Variants in TRDMT1 observed in about 807,000 individuals in gnomAD.
The protein encoded by TRDMT1 is tRNA aspartic acid methyltransferase 1, also known as tRNA (cytosine(38)-C(5))-methyltransferase.
Under a neutral mutation model 51.2 loss-of-function variants are expected in TRDMT1, and 49 were observed. That is an observed-to-expected ratio of 0.96 (90% CI 0.76 to 1.21). The LOEUF is 1.21. TRDMT1 is among the 50% of genes most tolerant of loss of function. The pLI, the probability that TRDMT1 is intolerant of heterozygous loss-of-function variation, is 0.00. For synonymous variants in TRDMT1, 187 were observed against 164.6 expected (o/e 1.14, Z -1.04); for missense variants, 534 against 462.3 (o/e 1.16, Z -1.42).
In TRDMT1 at chr10:17,201,648, C is replaced by A; in HGVS notation, c.-14G>T. Reference sequence around the variant, plus strand: ...CAGGGGCTCCATCCCCGCGCCTCAGCCGCCGCAGCCCCGGAGCTAGGCCTG... The same window carrying A: ...CAGGGGCTCCATCCCCGCGCCTCAGACGCCGCAGCCCCGGAGCTAGGCCTG... On this transcript the variant is annotated 5_prime_UTR_variant, in exon 1 of 11. Transcript: ENST00000377799. 1 of 1,539,496 alleles carries A rather than the reference C, an allele frequency of 6.5e-7. No individual in the cohort carries two copies. The highest frequency in any genetic ancestry group is 8.7e-7 in the Non-Finnish European group (1 of 1,143,502).
At chr10:17,150,628 T>G in intron 10 of TRDMT1, 3 of 985,146 alleles carry the variant, frequency 3.0e-6, no homozygotes, top group Non-Finnish European at 3.6e-6. Flanking sequence ...ATAAGTTAGA[T>G]AAGAAAATGA....
In TRDMT1 at chr10:17,149,085, G is replaced by C. The variant is rs765766850; in HGVS notation, c.1131C>G (p.Leu377=). ...TTAGTTTAGCTACTACATGCACGTT[G>C]AGACTATTTCCAAGTAGGCGATAAC... ...KQRYRLLGNS[L]NVHVVAKLIK... is the part of the protein sequence containing the mutation. The change falls in exon 11 of 11, where the codon CTC becomes CTG. Residue 377 remains leucine, a synonymous_variant. Coordinates refer to ENST00000377799, the MANE Select transcript of TRDMT1 (RefSeq NM_004412.7). The C allele has an allele frequency of 2.7e-5, 44 of 1,611,446 alleles. No individual in the cohort carries two copies. Among genetic ancestry groups the C allele is most frequent in the Non-Finnish European group, 3.6e-5 (42 of 1,179,178 alleles).
intron 10 of TRDMT1, chr10:17,150,869 G>A (rs1439819548): frequency 2.0e-6 from 2 of 984,988 alleles, no homozygotes; most frequent in African/African-American, 3.5e-5. Context: ...AGTAGCCAGA[G>A]GTACAAATGT....
intron 1 of TRDMT1, among the ~76,000 whole-genome samples, chr10:17,190,301 A>C (rs752837887): frequency 3.9e-5 from 6 of 152,134 alleles, no homozygotes; most frequent in Non-Finnish European, 8.8e-5. Context: ...CAAACTGTAC[A>C]TGTAACCTTG....
chr10:17,194,093 T>G lies in TRDMT1; in HGVS notation c.64+7478A>C, dbSNP rs548705511. On this transcript the variant is annotated intron_variant, in intron 1 of 10. Transcript: ENST00000377799. ...ATTTAATAAACGGTGCTAGGATAGC[T>G]GGCTAGCCATATGCAGGAGAATGAA... Among the ~76,000 whole-genome samples, 147 of 152,348 alleles carry G rather than the reference T, an allele frequency of 9.6e-4. 2 individuals are homozygous for G. Among genetic ancestry groups the G allele is most frequent in the Middle Eastern group, 3.4e-3 (1 of 294 alleles).
chr10:17,144,172 C>G lies in TRDMT1; in HGVS notation c.*4868G>C. The G allele has an allele frequency of 2.0e-6, 2 of 985,632 alleles. No homozygotes were observed. Among genetic ancestry groups the G allele is most frequent in the Non-Finnish European group, 2.4e-6 (2 of 829,962 alleles). 61.1% of individuals were successfully genotyped at this position (985,632 alleles called of 1,614,324 possible). A position where few individuals can be genotyped will look rare whatever the true frequency, so the allele number is the denominator to read the frequency against. Reference sequence around the variant, plus strand: ...CCTCTGCTCTTCTTTTTCTCTTTCTCTCTTTCACTCTCATCCTCTGACCCT... The same window carrying G: ...CCTCTGCTCTTCTTTTTCTCTTTCTGTCTTTCACTCTCATCCTCTGACCCT... On this transcript the variant is annotated 3_prime_UTR_variant, in exon 11 of 11. Transcript: ENST00000377799.
intron 1 of TRDMT1, among the ~76,000 whole-genome samples, chr10:17,190,341 C>T (rs1277658002): frequency 6.6e-6 from 1 of 151,264 alleles, no homozygotes; most frequent in East Asian, 1.9e-4. Context: ...TAATAATCAC[C>T]GTGTAATTAT....
intron 6 of TRDMT1, 45 bp from the exon 7 acceptor site, chr10:17,159,274 G>C (rs374035720): frequency 6.4e-6 from 9 of 1,416,334 alleles, no homozygotes; most frequent in Admixed American, 4.2e-5. Context: ...AAATTAAAGA[G>C]AGCGGTACCA....
intron 1 of TRDMT1, among the ~76,000 whole-genome samples, chr10:17,185,680 G>A (rs569686444): frequency 3.0e-4 from 46 of 152,246 alleles, no homozygotes; most frequent in African/African-American, 1.1e-3. Context: ...ATGATAGACT[G>A]GATTAAGAAA....
At position 17,137,531 on chromosome 10, in the gene TRDMT1, T is replaced by C. The variant is rs1837449507; in HGVS notation, c.*11509A>G. 1.3e-5 allele frequency: 2 copies of C among 152,316 alleles called. No homozygotes were observed. Among genetic ancestry groups the C allele is most frequent in the South Asian group, 2.1e-4 (1 of 4,830 alleles). The allele number at this position is 152,316 out of a possible 1,614,324, so 9.4% of individuals were successfully genotyped here. ...TGTCCAAGGCCCAGTATGGGCACAC[T>C]ATAGAAAGTGGTTCCACTGGCCGGG... On this transcript the variant is annotated 3_prime_UTR_variant, in exon 11 of 11. Transcript: ENST00000377799.
At chr10:17,200,336 A>C (rs1281470378) in intron 1 of TRDMT1, among the ~76,000 whole-genome samples, 1 of 152,238 alleles carries the variant, frequency 6.6e-6, no homozygotes, top group African/African-American at 2.4e-5. Context: ...TTAGAGAATT[A>C]ACAAAGAGTA....
At chr10:17,151,121 T>A in intron 10 of TRDMT1, 1 of 763,234 alleles carries the variant, frequency 1.3e-6, no homozygotes, top group Non-Finnish European at 1.6e-6. Context: ...CATATTTCTT[T>A]AAATCTAAAC....
At chr10:17,186,120 A>G (rs183551158) in intron 1 of TRDMT1, among the ~76,000 whole-genome samples, 25 of 152,182 alleles carry the variant, frequency 1.6e-4, no homozygotes, top group African/African-American at 4.8e-4. Flanking sequence ...ATCAATTAAC[A>G]GTCAATATTT....
rs896392091 is a variant in TRDMT1, at chr10:17,148,059, C to T, written c.*981G>A. 1.0e-6 allele frequency: 1 copy of T among 985,258 alleles called. No individual in the cohort carries two copies. Among genetic ancestry groups the T allele is most frequent in the Non-Finnish European group, 1.2e-6 (1 of 829,828 alleles). The allele number at this position is 985,258 out of a possible 1,614,324, so 61.0% of individuals were successfully genotyped here. ...TCATCTCTCTTCTCTTTGTCACTTG[C>T]TTTTATCACAAACCATAGAATTTAT... is the stretch of plus-strand genomic sequence containing the variant. On this transcript the variant is annotated 3_prime_UTR_variant, in exon 11 of 11. Coordinates refer to ENST00000377799, the MANE Select transcript of TRDMT1 (RefSeq NM_004412.7).
intron 10 of TRDMT1, chr10:17,152,120 T>A (rs1488663792): frequency 1.6e-6 from 2 of 1,279,360 alleles, no homozygotes; most frequent in South Asian, 1.3e-5. Flanking sequence ...GAAAAAAAAA[T>A]AGTAGCTAGG....
At position 17,143,760 on chromosome 10, in the gene TRDMT1, A is replaced by T. The variant is rs1837872658; in HGVS notation, c.*5280T>A. The stretch of plus-strand genomic sequence containing the variant: ...AGGAAGGCCATTTTAACAGAAGCTG[A>T]CCAATGGAATGCAGAGTGAGAAGGA... On this transcript the variant is annotated 3_prime_UTR_variant, in exon 11 of 11. Transcript: ENST00000377799. 9.1e-6 allele frequency: 9 copies of T among 985,416 alleles called. No individual in the cohort carries two copies. Among genetic ancestry groups the T allele is most frequent in the Non-Finnish European group, 1.1e-5 (9 of 829,916 alleles). 61.0% of individuals were successfully genotyped at this position (985,416 alleles called of 1,614,324 possible). A position where few individuals can be genotyped will look rare whatever the true frequency, so the allele number is the denominator to read the frequency against.
intron 1 of TRDMT1, among the ~76,000 whole-genome samples, chr10:17,185,669 A>AATGATAGAC (rs1186714606): frequency 6.6e-6 from 1 of 152,228 alleles, no homozygotes; most frequent in Non-Finnish European, 1.5e-5. Flanking sequence ...AATGTCCATC[A>AATGATAGAC]ATGATAGACT....
chr10:17,177,054 T>G (rs1254743685), intron 1 of TRDMT1, among the ~76,000 whole-genome samples: 1 of 152,052 alleles, frequency 6.6e-6, no homozygotes, highest in Non-Finnish European at 1.5e-5. Flanking sequence ...TTCAGTACTT[T>G]GATGTATTAC....
At position 17,162,221 on chromosome 10, in the gene TRDMT1, CA is replaced by C; in HGVS notation, c.267del (p.Asp90IlefsTer2). 4 of 1,599,634 alleles carry C rather than the reference CA, an allele frequency of 2.5e-6. No homozygotes were observed. The highest frequency in any genetic ancestry group is 3.4e-6 in the Non-Finnish European group (4 of 1,174,116). ...CQPFTRIGRQ[G>X]DMTDSRTNSF... is the part of the protein sequence containing the mutation. The stretch of plus-strand genomic sequence containing the variant: ...CTATTCGTCCTTGAATCAGTCATAT[CA>C]CCCTGCCGGCCAATCCTAAAGGGGT... On this transcript the variant is annotated frameshift_variant, in exon 4 of 11. Coordinates refer to ENST00000377799, the MANE Select transcript of TRDMT1 (RefSeq NM_004412.7). LOFTEE classifies it high-confidence loss of function.
Sources: allele counts gnomAD v4.1 joint callset (sites outside exome capture counted in the v4.1 genomes callset), GRCh38; gene constraint gnomAD v4.1.1; transcripts MANE v1.5; gene names NCBI Gene and HGNC (gene_info 2026-07-23, HGNC 2026-07-21).